The following SLC8A1 variants were observed in gnomAD, a reference collection of about 807,000 sequenced individuals.
SLC8A1 encodes the protein sodium/calcium exchanger 1.
In SLC8A1, 18 loss-of-function variants were observed where a neutral mutation model predicts 68.3. The observed-to-expected ratio is 0.26, with a 90% confidence interval of 0.18 to 0.39. The LOEUF is 0.39. Among genes scored for constraint, SLC8A1 ranks in the 10% least tolerant of loss-of-function variants. The pLI, the probability that SLC8A1 is intolerant of heterozygous loss-of-function variation, is 1.00. For missense variants in SLC8A1, 985 were observed against 1,156.7 expected, an observed-to-expected ratio of 0.85 and a Z score of 2.15; for synonymous variants, 475 against 415.5, an observed-to-expected ratio of 1.14 and a Z score of -1.74.
chr2:40,155,150 G>C (rs932743069), intron 6 of SLC8A1, among the ~76,000 whole-genome samples: 1 of 151,840 alleles, frequency 6.6e-6, no homozygotes, highest in Non-Finnish European at 1.5e-5. Context: ...TATTTTTTGA[G>C]ATGGAGTCTC....
chr2:40,383,904 C>T (rs1164505527), intron 2 of SLC8A1, among the ~76,000 whole-genome samples: 1 of 152,106 alleles, frequency 6.6e-6, no homozygotes, highest in African/African-American at 2.4e-5. Flanking sequence ...AGTGAACCTT[C>T]AGTCATTCAC....
intron 1 of SLC8A1, among the ~76,000 whole-genome samples, chr2:40,434,065 G>A (rs920905614): frequency 3.3e-5 from 5 of 152,062 alleles, no homozygotes; most frequent in African/African-American, 7.2e-5. Context: ...GCAATCTCCT[G>A]GGCCAGCCAA....
intron 7 of SLC8A1, among the ~76,000 whole-genome samples, chr2:40,131,333 G>A (rs2039289605): frequency 6.6e-6 from 1 of 152,202 alleles, no homozygotes; most frequent in African/African-American, 2.4e-5. Flanking sequence ...TGAGACAGAG[G>A]CTGTTAACTG....
chr2:40,389,850 T>C (rs959189912), intron 2 of SLC8A1, among the ~76,000 whole-genome samples: 2 of 146,844 alleles, frequency 1.4e-5, no homozygotes, highest in Non-Finnish European at 3.0e-5. Flanking sequence ...ATATCATATA[T>C]ATCAAAGAAA....
intron 2 of SLC8A1, among the ~76,000 whole-genome samples, chr2:40,320,832 G>A (rs566297239): frequency 1.8e-4 from 27 of 152,188 alleles, no homozygotes; most frequent in Admixed American, 1.1e-3. Context: ...AAATGTGGCC[G>A]ACCTCTTCTT....
exon 8 of SLC8A1, chr2:40,112,566 G>A (rs2034670845): frequency 6.6e-6 from 1 of 152,076 alleles, no homozygotes; most frequent in Non-Finnish European, 1.5e-5. Context: ...GCTAAAAAAT[G>A]AGTGCAAAAA....
chr2:40,196,807 TCATATTCAGGGGA>T (rs2053136119), intron 2 of SLC8A1, among the ~76,000 whole-genome samples: 1 of 152,054 alleles, frequency 6.6e-6, no homozygotes. Context: ...TGATCAGGTG[TCATATTCAGGGGA>T]TGAAAGCAAA....
intron 2 of SLC8A1, among the ~76,000 whole-genome samples, chr2:40,184,921 GAAAAGAAAGA>G (rs2050416056): frequency 7.9e-6 from 1 of 126,792 alleles, no homozygotes; most frequent in Non-Finnish European, 1.7e-5. Context: ...AAAAAAAAAG[GAAAAGAAAGA>G]AAAAAAGATG....
intron 2 of SLC8A1, among the ~76,000 whole-genome samples, chr2:40,408,864 A>G (rs72948178): frequency 0.013 from 1,924 of 152,266 alleles, 46 homozygotes; most frequent in African/African-American, 0.044. Flanking sequence ...TAAGTATTGA[A>G]TCCAAAGACA....
exon 8 of SLC8A1, chr2:40,113,126 ATAC>A (rs904357759): frequency 6.6e-6 from 1 of 152,256 alleles, no homozygotes; most frequent in Non-Finnish European, 1.5e-5. Context: ...AGAAAGTATC[ATAC>A]TACCTGGCAC....
At chr2:40,504,563 G>A (rs896250549) in intron 1 of SLC8A1, among the ~76,000 whole-genome samples, 8 of 151,984 alleles carry the variant, frequency 5.3e-5, no homozygotes, top group African/African-American at 1.9e-4. Flanking sequence ...TTACCCATCT[G>A]ACAAGGAATT....
At chr2:40,296,764 T>C (rs1238248388) in intron 2 of SLC8A1, among the ~76,000 whole-genome samples, 39 of 152,202 alleles carry the variant, frequency 2.6e-4, no homozygotes, top group Non-Finnish European at 2.9e-5. Flanking sequence ...GAAACGTTTG[T>C]TGATGCTGAA....
intron 2 of SLC8A1, among the ~76,000 whole-genome samples, chr2:40,338,092 T>C (rs191632525): frequency 4.0e-4 from 61 of 152,124 alleles, no homozygotes; most frequent in African/African-American, 1.5e-3. Flanking sequence ...TCTCTCTCTC[T>C]CCCTCCCATC....
Position 40,394,269 on chromosome 2 carries a change from G to A in SLC8A1, c.1808+34204C>T, listed in dbSNP as rs565411592. On this transcript the variant is annotated intron_variant, in intron 2 of 7. Coordinates refer to ENST00000406785, the Ensembl canonical transcript of SLC8A1. ...TTACGCAAACACCTGCATTTTGTGG[G>A]GTGGGGGGTGAATACAGCCATTCTA... is the stretch of plus-strand genomic sequence containing the variant. Among the ~76,000 whole-genome samples, 10 of 152,222 alleles carry A rather than the reference G, an allele frequency of 6.6e-5. No individual in the cohort carries two copies. The East Asian group carries it at 1.9e-3, about 29-fold the overall frequency.
intron 1 of SLC8A1, among the ~76,000 whole-genome samples, chr2:40,466,879 T>G (rs1703705004): frequency 6.6e-6 from 1 of 150,952 alleles, no homozygotes; most frequent in African/African-American, 2.4e-5. Context: ...TTACTTGACA[T>G]CAACTCATTA....
intron 2 of SLC8A1, among the ~76,000 whole-genome samples, chr2:40,339,961 T>C (rs760818938): frequency 2.0e-5 from 3 of 152,238 alleles, no homozygotes; most frequent in African/African-American, 4.8e-5. Context: ...ATATATTTCA[T>C]CACTGCATGA....
At chr2:40,322,851 C>CAT in intron 2 of SLC8A1, among the ~76,000 whole-genome samples, 1 of 149,732 alleles carries the variant, frequency 6.7e-6, no homozygotes, top group African/African-American at 2.5e-5. Context: ...CACACACACA[C>CAT]CACACACACC....
At chr2:40,403,494 A>G (rs887784736) in intron 2 of SLC8A1, among the ~76,000 whole-genome samples, 74 of 152,270 alleles carry the variant, frequency 4.9e-4, no homozygotes, top group African/African-American at 1.7e-3. Flanking sequence ...ACTGACCACA[A>G]TGGGAGAGCT....
Position 40,212,281 on chromosome 2 carries a change from A to ATGTTTTTTTTTTTTT in SLC8A1, c.1809-34427_1809-34426insAAAAAAAAAAAAACA, listed in dbSNP as rs371395367. On this transcript the variant is annotated intron_variant, in intron 2 of 7. Transcript: ENST00000406785. ...AGGTGCTAAACAGAAGAGATGCAAT[A>ATGTTTTTTTTTTTTT]TCTTTTTTTTTTTTTTTTTTCCTGA... Among the ~76,000 whole-genome samples, 11 of 118,212 alleles carry ATGTTTTTTTTTTTTT rather than the reference A, an allele frequency of 9.3e-5. 5 individuals carry two copies. The highest frequency in any genetic ancestry group is 1.2e-4 in the Non-Finnish European group (7 of 56,666). 77.6% of individuals were successfully genotyped at this position (118,212 alleles called of 152,430 possible). A position where few individuals can be genotyped will look rare whatever the true frequency, so the allele number is the denominator to read the frequency against.
Sources: allele counts gnomAD v4.1 joint callset (sites outside exome capture counted in the v4.1 genomes callset), GRCh38; gene constraint gnomAD v4.1.1; transcripts MANE v1.5; gene names NCBI Gene and HGNC (gene_info 2026-07-23, HGNC 2026-07-21).